Variants in ZRANB3 observed in about 807,000 individuals in gnomAD.
The protein encoded by ZRANB3 is DNA annealing helicase and endonuclease ZRANB3.
A neutral mutation model predicts 133.8 loss-of-function variants in ZRANB3; 125 were observed. That is an observed-to-expected ratio of 0.93 (90% CI 0.81 to 1.08). The LOEUF is 1.08. Among genes scored for constraint, ZRANB3 ranks in the 50% least tolerant of loss-of-function variants. The pLI is 0.00. For missense variants in ZRANB3, 1,229 were observed against 1,275.5 expected, an observed-to-expected ratio of 0.96 and a Z score of 0.56; for synonymous variants, 387 against 432.7, an observed-to-expected ratio of 0.89 and a Z score of 1.31.
chr2:135,357,364 C>A (rs1340583832), intron 3 of ZRANB3, among the ~76,000 whole-genome samples: 3 of 152,254 alleles, frequency 2.0e-5, no homozygotes, highest in African/African-American at 4.8e-5. Context: ...GGCATGATCT[C>A]GGCTCATTGC....
rs1684866881 is a variant in ZRANB3 at position 135,345,360 on chromosome 2, C to T, written c.677+190G>A. ...GCGCATGCCTGTAATCCCAGCTACT[C>T]AGGAGGCTAAGGCAGAAGAATCGAT... is the stretch of plus-strand genomic sequence containing the variant. On this transcript the variant is annotated intron_variant, in intron 6 of 20. Transcript: ENST00000264159. 6.4e-6 allele frequency: 3 copies of T among 470,480 alleles called. No individual in the cohort carries two copies. The East Asian group carries it at 1.0e-4, about 16-fold the overall frequency. 29.1% of individuals were successfully genotyped at this position (470,480 alleles called of 1,614,324 possible). A position where few individuals can be genotyped will look rare whatever the true frequency, so the allele number is the denominator to read the frequency against.
chr2:135,228,159 AC>A, intron 13 of ZRANB3, 144 bp from the exon 14 acceptor site: 1 of 671,618 alleles, frequency 1.5e-6, no homozygotes, highest in Non-Finnish European at 2.4e-6. Flanking sequence ...CATACTATAT[AC>A]CCAGTACTAT....
chr2:135,264,937 C>T (rs1156777252), intron 12 of ZRANB3, among the ~76,000 whole-genome samples: 1 of 151,986 alleles, frequency 6.6e-6, no homozygotes, highest in Non-Finnish European at 1.5e-5. Context: ...TTAGTAGAGA[C>T]AGGGTTTCAC....
At chr2:135,248,187 T>G (rs1220379749) in intron 12 of ZRANB3, among the ~76,000 whole-genome samples, 3 of 152,204 alleles carry the variant, frequency 2.0e-5, no homozygotes, top group African/African-American at 7.2e-5. Flanking sequence ...CTGGCCAGAC[T>G]GTTACATGGG....
intron 15 of ZRANB3, among the ~76,000 whole-genome samples, chr2:135,220,493 T>C (rs58066385): frequency 0.062 from 9,411 of 151,540 alleles, 578 homozygotes; most frequent in African/African-American, 0.16. Flanking sequence ...AGGTCATGAG[T>C]TCGAGACGAG....
At chr2:135,438,412 G>A (rs1299998557) in intron 2 of ZRANB3, among the ~76,000 whole-genome samples, 14 of 151,476 alleles carry the variant, frequency 9.2e-5, no homozygotes, top group African/African-American at 2.7e-4. Context: ...GACTGAGGCA[G>A]GAGAATCGCT....
At chr2:135,520,997 C>T (rs1001565124) in intron 1 of ZRANB3, among the ~76,000 whole-genome samples, 5 of 152,198 alleles carry the variant, frequency 3.3e-5, no homozygotes, top group African/African-American at 1.2e-4. Flanking sequence ...TGACCTCTTT[C>T]TGCAAACCAC....
At chr2:135,222,794 T>C (rs1694606778) in intron 15 of ZRANB3, among the ~76,000 whole-genome samples, 1 of 152,114 alleles carries the variant, frequency 6.6e-6, no homozygotes, top group Non-Finnish European at 1.5e-5. Flanking sequence ...TTGTTTCTCT[T>C]AAAATATGCA....
At chr2:135,320,892 T>C (rs1336396092) in intron 6 of ZRANB3, among the ~76,000 whole-genome samples, 1 of 152,248 alleles carries the variant, frequency 6.6e-6, no homozygotes, top group East Asian at 1.9e-4. Context: ...TAAATAGAAT[T>C]ATGCAGTAAG....
chr2:135,518,392 A>G (rs1457791309), intron 1 of ZRANB3, among the ~76,000 whole-genome samples: 1 of 151,956 alleles, frequency 6.6e-6, no homozygotes, highest in Admixed American at 6.6e-5. Context: ...TGGTGTAGGT[A>G]CCCTAGGGAA....
At chr2:135,334,846 G>C (rs7609334) in intron 6 of ZRANB3, among the ~76,000 whole-genome samples, 40,147 of 151,922 alleles carry the variant, frequency 0.26, 8,867 homozygotes, top group African/African-American at 0.59. Flanking sequence ...AGTGTGCTGA[G>C]ATCGCACCAC....
intron 8 of ZRANB3, among the ~76,000 whole-genome samples, chr2:135,310,364 G>A (rs558594838): frequency 6.6e-6 from 1 of 152,260 alleles, no homozygotes; most frequent in South Asian, 2.1e-4. Context: ...TTTGGTGAAG[G>A]TGCCAAGGAA....
intron 17 of ZRANB3, among the ~76,000 whole-genome samples, chr2:135,214,607 T>C (rs1455393380): frequency 6.6e-6 from 1 of 152,096 alleles, no homozygotes; most frequent in South Asian, 2.1e-4. Flanking sequence ...CAAAGACTGG[T>C]TACAAAAATG....
intron 2 of ZRANB3, among the ~76,000 whole-genome samples, chr2:135,402,950 C>A (rs1035024114): frequency 6.6e-6 from 1 of 152,060 alleles, no homozygotes; most frequent in Non-Finnish European, 1.5e-5. Flanking sequence ...TCTTCCACTG[C>A]TATAAACAAA....
chr2:135,282,006 A>G (rs941088303), intron 8 of ZRANB3, among the ~76,000 whole-genome samples: 9 of 152,164 alleles, frequency 5.9e-5, no homozygotes, highest in Non-Finnish European at 1.3e-4. Context: ...ATGGTTTCCA[A>G]TCCATGTTGT....
intron 2 of ZRANB3, among the ~76,000 whole-genome samples, chr2:135,491,128 C>T (rs573986734): frequency 1.3e-5 from 2 of 152,218 alleles, no homozygotes; most frequent in Non-Finnish European, 2.9e-5. Flanking sequence ...AAAATAACTT[C>T]AACCAAAGGA....
intron 3 of ZRANB3, among the ~76,000 whole-genome samples, chr2:135,370,021 G>C (rs1338785621): frequency 2.1e-5 from 3 of 145,402 alleles, no homozygotes; most frequent in Non-Finnish European, 3.0e-5. Flanking sequence ...TGATTAGAGG[G>C]AGGGCATGTT....
At chr2:135,202,639 G>T (rs888217081) in intron 20 of ZRANB3, 193 bp downstream of exon 20, 3 of 527,814 alleles carry the variant, frequency 5.7e-6, no homozygotes, top group African/African-American at 3.8e-5. Flanking sequence ...GAATGAAAAG[G>T]GAAGCAGCTT....
At chr2:135,387,154 TA>T (rs548367638) in intron 3 of ZRANB3, among the ~76,000 whole-genome samples, 21 of 147,760 alleles carry the variant, frequency 1.4e-4, no homozygotes, top group Middle Eastern at 6.8e-3. Context: ...CAAGAGTTTA[TA>T]AAAAAAAAAG....
Sources: allele counts gnomAD v4.1 joint callset (sites outside exome capture counted in the v4.1 genomes callset), GRCh38; gene constraint gnomAD v4.1.1; transcripts MANE v1.5; gene names NCBI Gene and HGNC (gene_info 2026-07-23, HGNC 2026-07-21).